Variants in RELT observed in about 807,000 individuals in gnomAD.
RELT encodes RELT TNF receptor, also known as tumor necrosis factor receptor superfamily member 19L.
In RELT, 37 loss-of-function variants were observed where a neutral mutation model predicts 51.1. The ratio of observed to expected loss-of-function variants is 0.72; its 90% CI spans 0.56 to 0.95. The LOEUF (loss-of-function observed/expected upper bound fraction) is 0.95, where lower values mean the gene tolerates loss of function less well. Among genes scored for constraint, RELT ranks in the 40% least tolerant of loss-of-function variants. RELT has a pLI of 0.00. For missense variants in RELT, 535 were observed against 572.6 expected, an observed-to-expected ratio of 0.93 and a Z score of 0.67; for synonymous variants, 241 against 235.7, an observed-to-expected ratio of 1.02 and a Z score of -0.21.
intron 1 of RELT, chr11:73,384,204 C>T (rs1866089461): frequency 6.6e-6 from 1 of 152,326 alleles, no homozygotes; most frequent in Admixed American, 6.5e-5. Context: ...CTTGCTTAAC[C>T]CTTCCTGGCT....
chr11:73,394,650 G>A lies in RELT; in HGVS notation c.962G>A (p.Ser321Asn). Residue 321 changes from serine (S) to asparagine (N), a missense_variant, in exon 9 of 11, where the codon AGC becomes AAC. Coordinates refer to ENST00000064780, the MANE Select transcript of RELT (RefSeq NM_152222.2). The surrounding 1 kb of genome is among the most constrained non-coding windows in gnomAD (Gnocchi z 4.9). ...EAVAATTPVP[S>N]LLPNPTRVPK... ...GTAGCCGCCACTACTCCTGTTCCCAGCCTTCTGCCTAACCCGACCAGGGTT... is the reference window on the plus strand; with the variant it reads ...GTAGCCGCCACTACTCCTGTTCCCAACCTTCTGCCTAACCCGACCAGGGTT... The A allele has an allele frequency of 6.2e-7, 1 of 1,613,820 alleles. No individual in the cohort carries two copies. The highest frequency in any genetic ancestry group is 1.1e-5 in the South Asian group (1 of 91,088).
chr11:73,379,515 T>TC (rs1866018682), intron 1 of RELT, among the ~76,000 whole-genome samples: 1 of 152,108 alleles, frequency 6.6e-6, no homozygotes, highest in Admixed American at 6.5e-5. Context: ...TCAGGCCCAA[T>TC]CTCATTTCAC....
At chr11:73,392,765 G>T (rs1004229235) in intron 6 of RELT, 18 of 1,341,194 alleles carry the variant, frequency 1.3e-5, no homozygotes, top group African/African-American at 7.4e-5. Flanking sequence ...TGTGTGTATG[G>T]TTCCAGGGTC....
At chr11:73,377,702 G>A (rs1227520319) in intron 1 of RELT, among the ~76,000 whole-genome samples, 5 of 126,318 alleles carry the variant, frequency 4.0e-5, no homozygotes, top group Admixed American at 3.0e-4. Flanking sequence ...CCCCTCCCCC[G>A]CGCAGGCCTC....
In RELT at chr11:73,389,201, TG is replaced by T; in HGVS notation, c.45+23del. ...CTTATGGTGAGCTGGGGATGGGCCC[TG>T]GGAAGGAGAAAAGCCGCACCCTCAG... is the stretch of plus-strand genomic sequence containing the variant. On this transcript the variant is annotated intron_variant, in intron 2 of 10. Coordinates refer to ENST00000064780, the MANE Select transcript of RELT (RefSeq NM_152222.2). 6.6e-7 allele frequency: 1 copy of T among 1,525,092 alleles called. No homozygotes were observed. The allele number at this position is 1,525,092 out of a possible 1,614,324, so 94.5% of individuals were successfully genotyped here. A position where few individuals can be genotyped will look rare whatever the true frequency, so the allele number is the denominator to read the frequency against.
In RELT at chr11:73,394,877, G is replaced by A. The variant is rs975117107; in HGVS notation, c.1046+143G>A. 1 of 1,050,620 alleles carries A rather than the reference G, an allele frequency of 9.5e-7. No individual in the cohort carries two copies. The allele number at this position is 1,050,620 out of a possible 1,614,324, so 65.1% of individuals were successfully genotyped here. A position where few individuals can be genotyped will look rare whatever the true frequency, so the allele number is the denominator to read the frequency against. ...TTATTGGGCCTCTCTGGGCAGTGGA[G>A]GCGGCCAGAGAGATCAGGACTTTCC... On this transcript the variant is annotated intron_variant, in intron 9 of 10. Coordinates refer to ENST00000064780, the MANE Select transcript of RELT (RefSeq NM_152222.2). This position sits in a 1 kb window ranked among gnomAD's most constrained non-coding sequence, Gnocchi z 4.9.
rs1393165159 is a variant in RELT, at chr11:73,396,130, C to G, written c.*639C>G. 6.5e-6 allele frequency: 1 copy of G among 152,952 alleles called. No homozygotes were observed. The highest frequency in any genetic ancestry group is 2.1e-4 in the South Asian group (1 of 4,858). 9.5% of individuals were successfully genotyped at this position (152,952 alleles called of 1,614,324 possible). On this transcript the variant is annotated 3_prime_UTR_variant, in exon 11 of 11. Transcript: ENST00000064780. The stretch of plus-strand genomic sequence containing the variant: ...TTGTGGGGGACTGGGGAGCTGGGCT[C>G]TACCATCCCTCCCATTAGTAGCTTT...
chr11:73,389,135 G>A lies in RELT; in HGVS notation c.-2G>A. Reference sequence around the variant, plus strand: ...AGGCCGGCGACCACCAGGGGCCTGAGGATGAAGCCAAGTCTGCTGTGCCGG... The same window carrying A: ...AGGCCGGCGACCACCAGGGGCCTGAAGATGAAGCCAAGTCTGCTGTGCCGG... On this transcript the variant is annotated 5_prime_UTR_variant, in exon 2 of 11. Transcript: ENST00000064780. 6.5e-7 allele frequency: 1 copy of A among 1,550,218 alleles called. No homozygotes were observed. The highest frequency in any genetic ancestry group is 8.7e-7 in the Non-Finnish European group (1 of 1,147,574).
At chr11:73,386,477 A>C (rs556587233) in intron 1 of RELT, among the ~76,000 whole-genome samples, 6 of 152,202 alleles carry the variant, frequency 3.9e-5, no homozygotes, top group Admixed American at 1.3e-4. Context: ...AGGTGTGGAC[A>C]TGTGTGTGCA....
chr11:73,378,298 C>G (rs1275693791), intron 1 of RELT, among the ~76,000 whole-genome samples: 1 of 151,766 alleles, frequency 6.6e-6, no homozygotes, highest in East Asian at 1.9e-4. Context: ...GTTCTGTCTT[C>G]TGCTGTCGTC....
chr11:73,387,182 A>T (rs1386307762), intron 1 of RELT, among the ~76,000 whole-genome samples: 2 of 152,006 alleles, frequency 1.3e-5, no homozygotes, highest in Non-Finnish European at 2.9e-5. Context: ...TGACCTCGTG[A>T]TCCACCTGCC....
intron 1 of RELT, among the ~76,000 whole-genome samples, chr11:73,387,535 G>A (rs1352929536): frequency 6.6e-6 from 1 of 152,182 alleles, no homozygotes; most frequent in Non-Finnish European, 1.5e-5. Context: ...TGCCAGGTGT[G>A]GCCTCCACCC....
chr11:73,389,081 CTCTGCCGAGCCTCCTCTCCA>C lies in RELT; in HGVS notation c.-25-24_-25-5del. The C allele has an allele frequency of 8.2e-7, 1 of 1,216,936 alleles. No homozygotes were observed. The highest frequency in any genetic ancestry group is 1.2e-6 in the Non-Finnish European group (1 of 851,730). The allele number at this position is 1,216,936 out of a possible 1,614,324, so 75.4% of individuals were successfully genotyped here. A position where few individuals can be genotyped will look rare whatever the true frequency, so the allele number is the denominator to read the frequency against. On this transcript the variant is annotated splice_polypyrimidine_tract_variant and intron_variant, in intron 1 of 10. Transcript: ENST00000064780. ...AGCAGCTGCCTGCCTGTCCCTGCCG[CTCTGCCGAGCCTCCTCTCCA>C]TCTGCCCTAGGCCGGCGACCACCAG...
chr11:73,392,643 G>T, intron 6 of RELT, 175 bp downstream of exon 6: 8 of 1,413,926 alleles, frequency 5.7e-6, no homozygotes, highest in Non-Finnish European at 7.5e-6. Context: ...ACGAAGGTGT[G>T]GCCGTGGGGG....
chr11:73,394,839 G>A lies in RELT; in HGVS notation c.1046+105G>A. The A allele has an allele frequency of 1.5e-6, 2 of 1,373,564 alleles. No individual in the cohort carries two copies. The highest frequency in any genetic ancestry group is 1.3e-5 in the South Asian group (1 of 75,328). 85.1% of individuals were successfully genotyped at this position (1,373,564 alleles called of 1,614,324 possible). On this transcript the variant is annotated intron_variant, in intron 9 of 10. Transcript: ENST00000064780. The surrounding 1 kb of genome is among the most constrained non-coding windows in gnomAD (Gnocchi z 4.9). ...TTGGGCCCTGAGCACCCTGCTCAAT[G>A]GGAGCCCTGCCCTTATTGGGCCTCT... is the stretch of plus-strand genomic sequence containing the variant.
chr11:73,389,712 A>C (rs972491215), intron 2 of RELT, among the ~76,000 whole-genome samples: 8 of 152,224 alleles, frequency 5.3e-5, no homozygotes. Flanking sequence ...CTAGAAGCTC[A>C]GGGAGGGTGA....
At chr11:73,392,004 G>A (rs1162454214) in intron 5 of RELT, 3 of 631,208 alleles carry the variant, frequency 4.8e-6, no homozygotes, top group Non-Finnish European at 8.2e-6. Context: ...GTCCTGAGGA[G>A]GCCTTGTTCA....
At chr11:73,393,280 C>T (rs1480774739) in intron 6 of RELT, 4 of 1,018,484 alleles carry the variant, frequency 3.9e-6, no homozygotes, top group African/African-American at 3.4e-5. Flanking sequence ...TAGAGACTTC[C>T]CTTTAACTGC....
intron 1 of RELT, among the ~76,000 whole-genome samples, chr11:73,377,497 C>G (rs535285516): frequency 3.3e-5 from 5 of 151,960 alleles, no homozygotes; most frequent in Non-Finnish European, 7.4e-5. Flanking sequence ...GGGAGAAAGC[C>G]GAGGCTGGGC....
Sources: gnomAD v4.1 joint callset for allele counts (sites outside exome capture counted in the v4.1 genomes callset) on GRCh38, gnomAD v4.1.1 for gene constraint, Gnocchi (gnomAD v3.1) non-coding constraint, MANE v1.5 for transcripts, NCBI Gene and HGNC (gene_info 2026-07-23, HGNC 2026-07-21) for gene names.